Variants in NUTM1 observed in about 807,000 individuals in gnomAD.
NUTM1 encodes the protein NUT family member 1.
NUTM1 carries 39 observed loss-of-function variants against 88.7 expected under a neutral mutation model. The ratio of observed to expected loss-of-function variants is 0.44; its 90% CI spans 0.34 to 0.57. NUTM1 has a LOEUF of 0.57. Ranked by LOEUF, NUTM1 falls within the 20% of genes least tolerant of loss-of-function variation. NUTM1 has a pLI of 0.01. For synonymous variants in NUTM1, 494 were observed against 538.0 expected, an observed-to-expected ratio of 0.92 and a Z score of 1.13; for missense variants, 1,350 against 1,414.5, an observed-to-expected ratio of 0.95 and a Z score of 0.73.
At chr15:34,349,535 G>A (rs1368075624) in intron 3 of NUTM1, among the ~76,000 whole-genome samples, 1 of 152,158 alleles carries the variant, frequency 6.6e-6, no homozygotes, top group East Asian at 1.9e-4. Context: ...GTCCTAGGCT[G>A]TTTTGTTTAC....
In NUTM1 at chr15:34,346,036, G is replaced by C. The variant is rs762673130; in HGVS notation, c.100+1G>C. ...CCTGAGAGGATGGCTTCAGATGGAGGTAAGTCTGCAGGTGGTGAGGAGGAT... is the reference window on the plus strand; with the variant it reads ...CCTGAGAGGATGGCTTCAGATGGAGCTAAGTCTGCAGGTGGTGAGGAGGAT... On this transcript the variant is annotated splice_donor_variant, in intron 2 of 7. Coordinates refer to ENST00000537011, the MANE Select transcript of NUTM1 (RefSeq NM_001284292.2). LOFTEE classifies it high-confidence loss of function. The C allele has an allele frequency of 5.0e-6, 8 of 1,614,130 alleles. No homozygotes were observed. The highest frequency in any genetic ancestry group is 6.8e-6 in the Non-Finnish European group (8 of 1,179,984).
intron 2 of NUTM1, among the ~76,000 whole-genome samples, chr15:34,347,477 C>T (rs1454889952): frequency 6.6e-6 from 1 of 152,028 alleles, no homozygotes; most frequent in Non-Finnish European, 1.5e-5. Flanking sequence ...AGGCTGGTCT[C>T]AAACTCCTGG....
At chr15:34,349,219 A>G (rs1177526386) in intron 3 of NUTM1, among the ~76,000 whole-genome samples, 1 of 152,152 alleles carries the variant, frequency 6.6e-6, no homozygotes, top group Admixed American at 6.5e-5. Context: ...TGGTGGGTAG[A>G]GCTTGCTTAG....
intron 5 of NUTM1, 82 bp from the exon 6 acceptor site, chr15:34,354,361 CTCT>C (rs1474082254): frequency 1.4e-6 from 2 of 1,407,206 alleles, no homozygotes; most frequent in Non-Finnish European, 2.0e-6. Context: ...TCCTGTCCAT[CTCT>C]TACCTTAGTG....
At position 34,355,421 on chromosome 15, in the gene NUTM1, G is replaced by A. The variant is rs1249964029; in HGVS notation, c.1480-67G>A. ...CCTTGCCCTGCCCAAATACCGTCTT[G>A]TGCCACCCACTCAGCCACCTCTTTC... On this transcript the variant is annotated intron_variant, in intron 7 of 7. Coordinates refer to ENST00000537011, the MANE Select transcript of NUTM1 (RefSeq NM_001284292.2). This position sits in a 1 kb window ranked among gnomAD's most constrained non-coding sequence, Gnocchi z 4.3. The A allele has an allele frequency of 6.5e-7, 1 of 1,549,180 alleles. No homozygotes were observed.
chr15:34,345,192 A>G (rs1890564983), intron 1 of NUTM1, among the ~76,000 whole-genome samples: 1 of 152,204 alleles, frequency 6.6e-6, no homozygotes, highest in Admixed American at 6.5e-5. Context: ...GTGGCTGTAG[A>G]GGATGCTCTG....
chr15:34,345,716 C>A, intron 1 of NUTM1: 1 of 529,806 alleles, frequency 1.9e-6, no homozygotes, highest in Non-Finnish European at 3.2e-6. Flanking sequence ...TTACAAATAG[C>A]CCTAAAGAGG....
Position 34,355,649 on chromosome 15 carries a change from C to T in NUTM1, c.1641C>T (p.Gly547=), listed in dbSNP as rs201182294. Residue 547 remains glycine (G), a synonymous_variant, in exon 8 of 8, where the codon GGC becomes GGT. Coordinates refer to ENST00000537011, the MANE Select transcript of NUTM1 (RefSeq NM_001284292.2). The surrounding 1 kb of genome is among the most constrained non-coding windows in gnomAD (Gnocchi z 4.3). The stretch of plus-strand genomic sequence containing the variant: ...CACCTGGGCTTCAGGGGGCTGGGGG[C>T]GCCGCTTGCCTTGGAAAGGTTTCTT... ...RPSPGLQGAG[G]AACLGKVSSS... 5.5e-5 allele frequency: 89 copies of T among 1,608,894 alleles called. No individual in the cohort carries two copies. The Admixed American group carries it at 9.0e-4, about 16-fold the overall frequency.
In NUTM1 at chr15:34,356,088, G is replaced by C; in HGVS notation, c.2080G>C (p.Gly694Arg). The stretch of plus-strand genomic sequence containing the variant: ...ATTGCAGAAAGGACAACAAACAGGG[G>C]GTCGTGGAGTGCTTCCTCAAGGGAA... ...LGLQKGQQTG[G>R]RGVLPQGKEP... Residue 694 changes from glycine (G) to arginine (R), a missense_variant, in exon 8 of 8, where the codon GGT becomes CGT. Physicochemically the swap from Gly to Arg is moderately radical, Grantham distance 125. Around this residue, in one of 5 missense-constraint regions of NUTM1, gnomAD observed 730 missense variants for 728.8 expected, o/e 1.00. Coordinates refer to ENST00000537011, the MANE Select transcript of NUTM1 (RefSeq NM_001284292.2). The C allele has an allele frequency of 6.2e-7, 1 of 1,613,642 alleles. No individual in the cohort carries two copies. Among genetic ancestry groups the C allele is most frequent in the Non-Finnish European group, 8.5e-7 (1 of 1,179,614 alleles).
chr15:34,354,511 A>T lies in NUTM1; in HGVS notation c.1141A>T (p.Arg381Ter). 6.2e-7 allele frequency: 1 copy of T among 1,614,196 alleles called. No individual in the cohort carries two copies. ...CCGCCGGCGTCAGCGTAAAGCCCAG[A>T]GACCTCCTGCTCCTGAGGCACCCAA... ...APRRRQRKAQRPPAPEAPKEI... is the reference protein window; with the variant it reads ...APRRRQRKAQ The change falls in exon 6 of 8, where the codon AGA becomes TGA. Residue 381 changes from arginine to a stop codon, truncating the protein, a stop_gained. Coordinates refer to ENST00000537011, the MANE Select transcript of NUTM1 (RefSeq NM_001284292.2). LOFTEE classifies it high-confidence loss of function.
At chr15:34,343,733 C>T in intron 1 of NUTM1, 31 bp downstream of exon 1, 1 of 1,529,458 alleles carries the variant, frequency 6.5e-7, no homozygotes, top group Non-Finnish European at 8.8e-7. Flanking sequence ...TAATAAAGTG[C>T]ACCTTCTAGG....
chr15:34,357,696 T>C lies in NUTM1; in HGVS notation c.*205T>C. ...GGGGAATTACCTTTGGAAGGAGCTATATAGAAAAAAAATGAATAAAGTGTT... is the reference window on the plus strand; with the variant it reads ...GGGGAATTACCTTTGGAAGGAGCTACATAGAAAAAAAATGAATAAAGTGTT... On this transcript the variant is annotated 3_prime_UTR_variant, in exon 8 of 8. Transcript: ENST00000537011. 2.2e-6 allele frequency: 2 copies of C among 917,406 alleles called. No homozygotes were observed. The highest frequency in any genetic ancestry group is 2.1e-5 in the Admixed American group (1 of 48,632). 56.8% of individuals were successfully genotyped at this position (917,406 alleles called of 1,614,324 possible).
chr15:34,347,329 C>T (rs1272064157), intron 2 of NUTM1, among the ~76,000 whole-genome samples: 1 of 151,884 alleles, frequency 6.6e-6, no homozygotes, highest in Non-Finnish European at 1.5e-5. Flanking sequence ...GCAATCTCAG[C>T]TCACTGCAGC....
rs114436122 is a variant in NUTM1, at chr15:34,347,890, A to G, written c.101-79A>G. ...TAAAAATAAAAATAAAAATAAAAAT[A>G]AAAAAATGGGGAATTCAGATGGCTA... On this transcript the variant is annotated intron_variant, in intron 2 of 7. Transcript: ENST00000537011. The G allele has an allele frequency of 2.1e-3, 1,438 of 686,460 alleles. 26 individuals are homozygous for G. In the African/African-American group the frequency reaches 0.025, roughly 12 times the overall value. The allele number at this position is 686,460 out of a possible 1,614,324, so 42.5% of individuals were successfully genotyped here.
chr15:34,355,242 T>C lies in NUTM1; in HGVS notation c.1479+105T>C, dbSNP rs1890780122. ...GCTCTAGAGATGAACAGCTTCAGGA[T>C]TGGGCTTCAGGTGCAGAACGAGTAG... On this transcript the variant is annotated intron_variant, in intron 7 of 7. Transcript: ENST00000537011. The surrounding 1 kb of genome is among the most constrained non-coding windows in gnomAD (Gnocchi z 4.3). The C allele has an allele frequency of 2.3e-6, 2 of 853,548 alleles. No individual in the cohort carries two copies. The highest frequency in any genetic ancestry group is 3.9e-6 in the Non-Finnish European group (2 of 514,900). 52.9% of individuals were successfully genotyped at this position (853,548 alleles called of 1,614,324 possible).
At chr15:34,346,837 C>G (rs964266213) in intron 2 of NUTM1, among the ~76,000 whole-genome samples, 18 of 121,068 alleles carry the variant, frequency 1.5e-4, no homozygotes, top group Admixed American at 2.0e-4. Context: ...GAGCTAAGAT[C>G]GTGCTGCTGC....
rs200279336 is a variant in NUTM1, at chr15:34,346,035, G to C, written c.100G>C (p.Ala34Pro). The change falls in exon 2 of 8, where the codon GCA becomes CCA. Residue 34 changes from alanine (A) to proline (P), a missense_variant and splice_region_variant. Ala to Pro is a conservative substitution (Grantham distance 27). This residue lies in a region of NUTM1 where 399 missense variants were observed against 397.9 expected (regional missense o/e 1.00). Coordinates refer to ENST00000537011, the MANE Select transcript of NUTM1 (RefSeq NM_001284292.2). ...PKPERMASDG[A>P]SALPGPDMSM... ...ACCTGAGAGGATGGCTTCAGATGGA[G>C]GTAAGTCTGCAGGTGGTGAGGAGGA... 3 of 1,614,140 alleles carry C rather than the reference G, an allele frequency of 1.9e-6. No individual in the cohort carries two copies. Among genetic ancestry groups the C allele is most frequent in the African/African-American group, 1.3e-5 (1 of 75,046 alleles).
At position 34,348,107 on chromosome 15, in the gene NUTM1, C is replaced by T. The variant is rs1890635098; in HGVS notation, c.239C>T (p.Pro80Leu). 2 of 1,614,018 alleles carry T rather than the reference C, an allele frequency of 1.2e-6. No homozygotes were observed. The highest frequency in any genetic ancestry group is 1.7e-6 in the Non-Finnish European group (2 of 1,180,018). ...PREPPPQPIM[P>L]SVFSPDNPLM... is the part of the protein sequence containing the mutation. ...GAGCCACCTCCACAGCCCATCATGC[C>T]TTCAGTATTCTCTCCAGACAACCCT... is the stretch of plus-strand genomic sequence containing the variant. The change falls in exon 3 of 8, where the codon CCT becomes CTT. Residue 80 changes from proline (P) to leucine (L), a missense_variant. Pro to Leu is a moderately conservative substitution (Grantham distance 98, BLOSUM62 -3). This residue lies in a region of NUTM1 where 399 missense variants were observed against 397.9 expected (regional missense o/e 1.00). Coordinates refer to ENST00000537011, the MANE Select transcript of NUTM1 (RefSeq NM_001284292.2).
Position 34,348,114 on chromosome 15 carries a change from A to G in NUTM1, c.246A>G (p.Val82=). 1 of 1,614,046 alleles carries G rather than the reference A, an allele frequency of 6.2e-7. No individual in the cohort carries two copies. The highest frequency in any genetic ancestry group is 8.5e-7 in the Non-Finnish European group (1 of 1,180,010). Residue 82 remains valine, a synonymous_variant, in exon 3 of 8, where the codon GTA becomes GTG. Coordinates refer to ENST00000537011, the MANE Select transcript of NUTM1 (RefSeq NM_001284292.2). ...EPPPQPIMPS[V]FSPDNPLMLS... ...CTCCACAGCCCATCATGCCTTCAGT[A>G]TTCTCTCCAGACAACCCTCTGATGC... is the stretch of plus-strand genomic sequence containing the variant.
Sources: allele counts gnomAD v4.1 joint callset (sites outside exome capture counted in the v4.1 genomes callset), GRCh38; gene constraint gnomAD v4.1.1; regional missense constraint gnomAD v4.1.1; non-coding constraint Gnocchi (gnomAD v3.1); transcripts MANE v1.5; gene names NCBI Gene and HGNC (gene_info 2026-07-23, HGNC 2026-07-21).